PGR: variants seen among roughly 807,000 people sequenced by gnomAD.
PGR encodes the protein nuclear receptor subfamily 3 group C member 3.
A neutral mutation model predicts 76.1 loss-of-function variants in PGR; 25 were observed. That is an observed-to-expected ratio of 0.33 (90% CI 0.24 to 0.46). The LOEUF (loss-of-function observed/expected upper bound fraction) is 0.46, where lower values mean the gene tolerates loss of function less well. Among genes scored for constraint, PGR ranks in the 20% least tolerant of loss-of-function variants. The pLI, the probability that PGR is intolerant of heterozygous loss-of-function variation, is 1.00. For missense variants in PGR, 1,172 were observed against 1,225.3 expected, an observed-to-expected ratio of 0.96 and a Z score of 0.65; for synonymous variants, 579 against 535.0, an observed-to-expected ratio of 1.08 and a Z score of -1.14.
intron 3 of PGR, among the ~76,000 whole-genome samples, chr11:101,086,498 A>C (rs1450528611): frequency 1.3e-5 from 2 of 152,222 alleles, no homozygotes; most frequent in Non-Finnish European, 2.9e-5. Context: ...TGAATGGGCA[A>C]AAGCTGGAAG....
At chr11:101,106,815 CA>C (rs1862176421) in intron 2 of PGR, among the ~76,000 whole-genome samples, 1 of 152,130 alleles carries the variant, frequency 6.6e-6, no homozygotes, top group South Asian at 2.1e-4. Flanking sequence ...GGAACCAAGC[CA>C]AATGTCCATC....
chr11:101,048,885 TAAAAAC>T (rs1859985912), intron 6 of PGR, among the ~76,000 whole-genome samples: 1 of 152,070 alleles, frequency 6.6e-6, no homozygotes, highest in Non-Finnish European at 1.5e-5. Flanking sequence ...AACATTTAGT[TAAAAAC>T]AAAAACACAA....
rs556561382 is a variant in PGR, at chr11:101,069,860, G to A, written c.1907-7108C>T. ...CACACACCAGGGCCTGTTGAGGGGT[G>A]GGGAGCTAGGGGAGGGATAGCACTA... On this transcript the variant is annotated intron_variant, in intron 3 of 7. Coordinates refer to ENST00000325455, the MANE Select transcript of PGR (RefSeq NM_000926.4). 9.9e-5 allele frequency among the ~76,000 whole-genome samples: 15 copies of A among 152,212 alleles called. No individual in the cohort carries two copies. In the South Asian group the frequency reaches 2.9e-3, roughly 29 times the overall value.
In PGR at chr11:101,127,716, G is replaced by C; in HGVS notation, c.1355C>G (p.Ser452Cys). The change falls in exon 1 of 8, where the codon TCC (serine) becomes TGC (cysteine). Residue 452 changes from serine (S) to cysteine (C), a missense_variant. Ser to Cys is a moderately radical substitution (Grantham distance 112, BLOSUM62 -1). Around this residue, in one of 4 missense-constraint regions of PGR, gnomAD observed 893 missense variants for 785.9 expected, o/e 1.14. Coordinates refer to ENST00000325455, the MANE Select transcript of PGR (RefSeq NM_000926.4). ...GCACTCCAGGGTCGACCCCGAGGAG[G>C]ACGCAGACGAGACTGAGGCACTGGC... is the stretch of plus-strand genomic sequence containing the variant. ...APASASVSSA[S>C]SSGSTLECIL... 6.3e-7 allele frequency: 1 copy of C among 1,585,400 alleles called. No homozygotes were observed. The highest frequency in any genetic ancestry group is 1.7e-5 in the Admixed American group (1 of 58,052).
At position 101,037,495 on chromosome 11, in the gene PGR, A is replaced by T. The variant is rs1859549500; in HGVS notation, c.*1621T>A. ...GAGGTTTACAGTACAAAACAATTTA[A>T]GGCTACATAAACATAAGAAATAATT... On this transcript the variant is annotated 3_prime_UTR_variant, in exon 8 of 8. Transcript: ENST00000325455. 1 of 226,546 alleles carries T rather than the reference A, an allele frequency of 4.4e-6. No individual in the cohort carries two copies. The highest frequency in any genetic ancestry group is 5.7e-5 in the Admixed American group (1 of 17,512). The allele number at this position is 226,546 out of a possible 1,614,324, so 14.0% of individuals were successfully genotyped here.
chr11:101,078,981 A>G (rs1436951139), intron 3 of PGR, among the ~76,000 whole-genome samples: 1 of 152,220 alleles, frequency 6.6e-6, no homozygotes, highest in African/African-American at 2.4e-5. Context: ...AAAGCCATGC[A>G]TTAACAGTCA....
intron 3 of PGR, among the ~76,000 whole-genome samples, chr11:101,072,566 C>T (rs1214511022): frequency 6.6e-6 from 1 of 152,168 alleles, no homozygotes; most frequent in Non-Finnish European, 1.5e-5. Context: ...CATTGGTGTG[C>T]TATATTCAGG....
chr11:101,096,912 G>A (rs968592700), intron 2 of PGR, among the ~76,000 whole-genome samples: 1 of 152,102 alleles, frequency 6.6e-6, no homozygotes, highest in Non-Finnish European at 1.5e-5. Context: ...CATCTTTGCT[G>A]TTTACCTACA....
intron 4 of PGR, among the ~76,000 whole-genome samples, chr11:101,056,556 C>T (rs954054680): frequency 6.7e-5 from 10 of 148,920 alleles, no homozygotes; most frequent in Non-Finnish European, 1.0e-4. Flanking sequence ...AGGACGATGG[C>T]TTGAGCCCAG....
intron 4 of PGR, among the ~76,000 whole-genome samples, chr11:101,052,113 T>C (rs1386393310): frequency 6.6e-6 from 1 of 152,144 alleles, no homozygotes; most frequent in South Asian, 2.1e-4. Flanking sequence ...TGGTCTTACT[T>C]TGTAAAACCA....
intron 3 of PGR, among the ~76,000 whole-genome samples, chr11:101,071,299 C>A (rs879906462): frequency 2.6e-5 from 4 of 152,058 alleles, no homozygotes; most frequent in Non-Finnish European, 5.9e-5. Context: ...AAAGGATGTC[C>A]ACACAAAAAC....
chr11:101,056,952 C>T (rs666207), intron 4 of PGR, among the ~76,000 whole-genome samples: 108,078 of 152,066 alleles, frequency 0.71, 39,283 homozygotes, highest in East Asian at 1. Context: ...TAAGGTAGTA[C>T]AGTTCTTTGC....
chr11:101,110,626 CAA>C lies in PGR; in HGVS notation c.1789+15379_1789+15380del, dbSNP rs761758363. Reference sequence around the variant, plus strand: ...GCTGTGAGCATTGTTGAAATGACAACAAAAGATTTAGGATTTAGGATATTATA... The same window carrying C: ...GCTGTGAGCATTGTTGAAATGACAACAAGATTTAGGATTTAGGATATTATA... On this transcript the variant is annotated intron_variant, in intron 2 of 7. Transcript: ENST00000325455. 3.9e-4 allele frequency among the ~76,000 whole-genome samples: 60 copies of C among 152,114 alleles called. 1 individual carries two copies. Among genetic ancestry groups the C allele is most frequent in the Admixed American group, 2.9e-3 (45 of 15,264 alleles).
intron 2 of PGR, among the ~76,000 whole-genome samples, chr11:101,096,799 T>C (rs1861847974): frequency 6.6e-6 from 1 of 152,216 alleles, no homozygotes. Context: ...ATGGCTCAAA[T>C]TGCGTATTAT....
chr11:101,081,300 G>A (rs1032790971), intron 3 of PGR, among the ~76,000 whole-genome samples: 1 of 151,910 alleles, frequency 6.6e-6, no homozygotes. Context: ...ACGGTGGCAG[G>A]CACCTGTAAT....
At chr11:101,080,012 C>T (rs1400318053) in intron 3 of PGR, among the ~76,000 whole-genome samples, 1 of 152,166 alleles carries the variant, frequency 6.6e-6, no homozygotes, top group Non-Finnish European at 1.5e-5. Flanking sequence ...CTGTGTACAA[C>T]TCTGGGTGCT....
chr11:101,046,019 T>G (rs915576957), intron 6 of PGR, among the ~76,000 whole-genome samples: 32 of 152,262 alleles, frequency 2.1e-4, no homozygotes, highest in African/African-American at 7.5e-4. Context: ...CCAATCCCTA[T>G]ATTTCCCTCA....
At chr11:101,069,999 A>T (rs540010267) in intron 3 of PGR, among the ~76,000 whole-genome samples, 39 of 143,520 alleles carry the variant, frequency 2.7e-4, no homozygotes, top group African/African-American at 9.1e-4. Flanking sequence ...AACTTAAATT[A>T]AAAAAAAAAA....
intron 2 of PGR, among the ~76,000 whole-genome samples, chr11:101,119,581 A>G (rs528619245): frequency 2.6e-4 from 39 of 152,308 alleles, no homozygotes; most frequent in South Asian, 6.2e-4. Flanking sequence ...ACTCGAATAA[A>G]TACTTGATTG....
Sources: gnomAD v4.1 joint callset for allele counts (sites outside exome capture counted in the v4.1 genomes callset) on GRCh38, gnomAD v4.1.1 for gene constraint, gnomAD v4.1.1 regional missense constraint, MANE v1.5 for transcripts, NCBI Gene and HGNC (gene_info 2026-07-23, HGNC 2026-07-21) for gene names.